GPR85: variants seen among roughly 807,000 people sequenced by gnomAD.
GPR85 encodes G protein-coupled receptor 85, also known as probable G protein-coupled receptor 85.
A neutral mutation model predicts 21.3 loss-of-function variants in GPR85; 7 were observed. The observed-to-expected ratio is 0.33, with a 90% CI of 0.19 to 0.62. The LOEUF (loss-of-function observed/expected upper bound fraction) is 0.62. GPR85 is among the 20% of genes least tolerant of loss of function. GPR85 has a pLI of 0.80. For synonymous variants in GPR85, 167 were observed against 166.1 expected (o/e 1.01, Z -0.04); for missense variants, 299 against 443.8 (o/e 0.67, Z 2.93).
Position 113,086,384 on chromosome 7 carries a change from T to TTTTC in GPR85, c.-352_-351insGAAA, listed in dbSNP as rs1794280072. The TTTTC allele has an allele frequency of 1.4e-5, 2 of 143,650 alleles. No individual in the cohort carries two copies. The highest frequency in any genetic ancestry group is 3.0e-5 in the Non-Finnish European group (2 of 65,906). 8.9% of individuals were successfully genotyped at this position (143,650 alleles called of 1,614,324 possible). ...TTCTATAAATTGCTGATTTTTTTCT[T>TTTTC]TTTTTCTTTTTCTTTTTTTTTTTTT... is the stretch of plus-strand genomic sequence containing the variant. On this transcript the variant is annotated 5_prime_UTR_variant, in exon 1 of 3. It introduces an in-frame stop codon into an upstream open reading frame of the 5' UTR. Coordinates refer to ENST00000424100, the MANE Select transcript of GPR85 (RefSeq NM_001146267.2).
rs958791679 is a variant in GPR85 at position 113,083,967 on chromosome 7, G to A, written c.755C>T (p.Thr252Ile). 1 of 1,614,102 alleles carries A rather than the reference G, an allele frequency of 6.2e-7. No homozygotes were observed. The highest frequency in any genetic ancestry group is 2.2e-5 in the East Asian group (1 of 44,894). Residue 252 changes from threonine to isoleucine, a missense_variant, in exon 3 of 3, where the codon ACA (threonine) becomes ATA (isoleucine). By Grantham distance (89) the Thr-to-Ile change is moderately conservative (BLOSUM62 -1). This residue lies in a region of GPR85 where 198 missense variants were observed against 335.4 expected (regional missense o/e 0.59). Transcript: ENST00000424100. This position sits in a 1 kb window ranked among gnomAD's most constrained non-coding sequence, Gnocchi z 4.4. Reference sequence around the variant, plus strand: ...CCTGATGCCCAGCAAGGTGGGTGGTGTGGGACCCCTTCCAAATCCTGCTAG... The same window carrying A: ...CCTGATGCCCAGCAAGGTGGGTGGTATGGGACCCCTTCCAAATCCTGCTAG... ...NWLAGFGRGP[T>I]PPTLLGIRQN...
chr7:113,083,821 A>T lies in GPR85; in HGVS notation c.901T>A (p.Tyr301Asn), dbSNP rs758362653. The T allele has an allele frequency of 6.2e-7, 1 of 1,611,728 alleles. No individual in the cohort carries two copies. The highest frequency in any genetic ancestry group is 8.5e-7 in the Non-Finnish European group (1 of 1,177,788). ...TFLFLTLWGP[Y>N]LVACYWRVFA... is the part of the protein sequence containing the mutation. ...ACTCTCCAATAACAGGCCACCAGGT[A>T]GGGGCCCCACAAGGTTAGAAACAGA... Residue 301 changes from tyrosine to asparagine, a missense_variant, in exon 3 of 3, where the codon TAC becomes AAC. Transcript: ENST00000424100. The surrounding 1 kb of genome is among the most constrained non-coding windows in gnomAD (Gnocchi z 4.4).
Position 113,083,411 on chromosome 7 carries a change from T to A in GPR85, c.*198A>T, listed in dbSNP as rs1562994868. The stretch of plus-strand genomic sequence containing the variant: ...TCAGTCCCTTCTTAATTACAAACCT[T>A]TGCTGGCAGTCAGCAGGATCACTCT... On this transcript the variant is annotated 3_prime_UTR_variant, in exon 3 of 3. Coordinates refer to ENST00000424100, the MANE Select transcript of GPR85 (RefSeq NM_001146267.2). This position sits in a 1 kb window ranked among gnomAD's most constrained non-coding sequence, Gnocchi z 4.4. The A allele has an allele frequency of 3.5e-6, 2 of 566,670 alleles. No individual in the cohort carries two copies. Among genetic ancestry groups the A allele is most frequent in the East Asian group, 5.9e-5 (2 of 34,080 alleles). The allele number at this position is 566,670 out of a possible 1,614,324, so 35.1% of individuals were successfully genotyped here. A position where few individuals can be genotyped will look rare whatever the true frequency, so the allele number is the denominator to read the frequency against.
At chr7:113,087,271 AT>A (rs1794334550), upstream of GPR85, among the ~76,000 whole-genome samples, 1 of 152,232 alleles carries the variant, frequency 6.6e-6, no homozygotes, top group African/African-American at 2.4e-5. Context: ...TTAAATGGCT[AT>A]TCCTGGCATT....
At chr7:113,087,662 T>C (rs546805782), upstream of GPR85, 32 of 154,260 alleles carry the variant, frequency 2.1e-4, no homozygotes, top group Non-Finnish European at 2.9e-4. Flanking sequence ...CTTCTTTTTC[T>C]GCATGCTTTT....
In GPR85 at chr7:113,084,522, A is replaced by T; in HGVS notation, c.200T>A (p.Ile67Asn). 6.2e-7 allele frequency: 1 copy of T among 1,612,818 alleles called. No individual in the cohort carries two copies. Among genetic ancestry groups the T allele is most frequent in the Non-Finnish European group, 8.5e-7 (1 of 1,178,782 alleles). ...YFLLDLCCSD[I>N]LRSAICFPFV... ...TGGGAAACAAATTGCAGATCTGAGG[A>T]TATCTGAACAGCAAAGATCCAACAG... Residue 67 changes from isoleucine (I) to asparagine (N), a missense_variant, in exon 3 of 3, where the codon ATC becomes AAC. Ile to Asn is a moderately radical substitution (Grantham distance 149, BLOSUM62 -3). Transcript: ENST00000424100.
Position 113,086,759 on chromosome 7 carries a change from G to C in GPR85, c.-726C>G, listed in dbSNP as rs1172410456. The stretch of plus-strand genomic sequence containing the variant: ...ACTTTTCCCTCCCCGCATTTGTAGT[G>C]GGGGGCTGGAAAGGCCCTTTCAGGA... On this transcript the variant is annotated 5_prime_UTR_variant, in exon 1 of 3. Coordinates refer to ENST00000424100, the MANE Select transcript of GPR85 (RefSeq NM_001146267.2). Among the ~76,000 whole-genome samples the C allele has an allele frequency of 1.3e-5, 2 of 151,948 alleles. No individual in the cohort carries two copies. The highest frequency in any genetic ancestry group is 2.4e-5 in the African/African-American group (1 of 41,360).
rs1428352980 is a variant in GPR85 at position 113,083,807 on chromosome 7, A to G, written c.915T>C (p.Cys305=). ...GCCCTCTTGCAAAAACTCTCCAATA[A>G]CAGGCCACCAGGTAGGGGCCCCACA... is the stretch of plus-strand genomic sequence containing the variant. ...LTLWGPYLVA[C]YWRVFARGPV... Residue 305 remains cysteine (C), a synonymous_variant, in exon 3 of 3, where the codon TGT becomes TGC. Coordinates refer to ENST00000424100, the MANE Select transcript of GPR85 (RefSeq NM_001146267.2). This position sits in a 1 kb window ranked among gnomAD's most constrained non-coding sequence, Gnocchi z 4.4. 2 of 1,614,124 alleles carry G rather than the reference A, an allele frequency of 1.2e-6. No homozygotes were observed. The highest frequency in any genetic ancestry group is 1.7e-6 in the Non-Finnish European group (2 of 1,179,950).
Position 113,082,686 on chromosome 7 carries a change from C to T in GPR85, c.*923G>A, listed in dbSNP as rs746980434. 5.2e-5 allele frequency: 8 copies of T among 152,534 alleles called. No homozygotes were observed. Among genetic ancestry groups the T allele is most frequent in the Non-Finnish European group, 1.0e-4 (7 of 67,990 alleles). 9.4% of individuals were successfully genotyped at this position (152,534 alleles called of 1,614,324 possible). ...AAAGGAAAAAGTAATAAATGATCTT[C>T]CATGCACTTTTAGATGCATGACCAT... On this transcript the variant is annotated 3_prime_UTR_variant, in exon 3 of 3. Transcript: ENST00000424100.
Position 113,084,759 on chromosome 7 carries a change from C to G in GPR85, c.-38G>C. The stretch of plus-strand genomic sequence containing the variant: ...GATAAGGATACAGCCTCAGTCAAGT[C>G]TCATGATCTAGATATAAGAACAAGG... On this transcript the variant is annotated 5_prime_UTR_variant, in exon 3 of 3. Coordinates refer to ENST00000424100, the MANE Select transcript of GPR85 (RefSeq NM_001146267.2). 1.3e-6 allele frequency: 2 copies of G among 1,486,796 alleles called. No homozygotes were observed. Among genetic ancestry groups the G allele is most frequent in the Non-Finnish European group, 1.8e-6 (2 of 1,083,224 alleles). 92.1% of individuals were successfully genotyped at this position (1,486,796 alleles called of 1,614,324 possible).
chr7:113,084,888 A>T lies in GPR85; in HGVS notation c.-167T>A. 1 of 422,256 alleles carries T rather than the reference A, an allele frequency of 2.4e-6. No homozygotes were observed. The allele number at this position is 422,256 out of a possible 1,614,324, so 26.2% of individuals were successfully genotyped here. On this transcript the variant is annotated 5_prime_UTR_variant, in exon 3 of 3. Coordinates refer to ENST00000424100, the MANE Select transcript of GPR85 (RefSeq NM_001146267.2). ...TTCTTCCACTTGTTTTGCCATCAGA[A>T]TATCTGAAAAAAAAAAAAAAAAAAA...
rs1166571397 is a variant in GPR85 at position 113,084,458 on chromosome 7, A to T, written c.264T>A (p.Thr88=). Residue 88 remains threonine, a synonymous_variant, in exon 3 of 3, where the codon ACT becomes ACA. Coordinates refer to ENST00000424100, the MANE Select transcript of GPR85 (RefSeq NM_001146267.2). ...FNSVKNGSTW[T]YGTLTCKVIA... ...TCACTTTGCAAGTCAGAGTCCCATA[A>T]GTCCAGGTAGAACCATTTTTGACAG... The T allele has an allele frequency of 6.2e-7, 1 of 1,614,022 alleles. No individual in the cohort carries two copies. The highest frequency in any genetic ancestry group is 1.3e-5 in the African/African-American group (1 of 74,916).
At position 113,086,641 on chromosome 7, in the gene GPR85, C is replaced by G. The variant is rs2115786938; in HGVS notation, c.-608G>C. ...AGCCTCTGTGGAACCAGCAGGAACC[C>G]CTACCTGACTCCAGAGCTGGCTGGG... On this transcript the variant is annotated 5_prime_UTR_variant, in exon 1 of 3. Transcript: ENST00000424100. 6.6e-6 allele frequency among the ~76,000 whole-genome samples: 1 copy of G among 151,570 alleles called. No homozygotes were observed. Among genetic ancestry groups the G allele is most frequent in the East Asian group, 2.0e-4 (1 of 5,102 alleles).
upstream of GPR85, chr7:113,087,520 C>A (rs1424998515): frequency 1.3e-5 from 2 of 154,362 alleles, no homozygotes; most frequent in African/African-American, 4.8e-5. Flanking sequence ...TAGAATCATG[C>A]ATTTTCTTAT....
In GPR85 at chr7:113,083,681, C is replaced by A. The variant is rs532904329; in HGVS notation, c.1041G>T (p.Arg347Ser). ...AAAGAAGGGTTGTGCTGAAACAGCG[C>A]CTCAGCTCCCTGTTTGAGAAAATGC... ...FVCIFSNREL[R>S]RCFSTTLLYC... The change falls in exon 3 of 3, where the codon AGG becomes AGT. Residue 347 changes from arginine (R) to serine (S), a missense_variant. Arg to Ser is a moderately radical substitution (Grantham distance 110). This residue lies in a region of GPR85 where 198 missense variants were observed against 335.4 expected (regional missense o/e 0.59). Coordinates refer to ENST00000424100, the MANE Select transcript of GPR85 (RefSeq NM_001146267.2). This position sits in a 1 kb window ranked among gnomAD's most constrained non-coding sequence, Gnocchi z 4.4. 6.2e-7 allele frequency: 1 copy of A among 1,614,038 alleles called. No individual in the cohort carries two copies. The highest frequency in any genetic ancestry group is 1.3e-5 in the African/African-American group (1 of 75,052).
At position 113,083,727 on chromosome 7, in the gene GPR85, G is replaced by T; in HGVS notation, c.995C>A (p.Ala332Glu). ...TAAVWMSFAQ[A>E]GINPFVCIFS... ...AATGCAGACAAAAGGATTGATTCCT[G>T]CTTGGGCAAAACTCATCCAGACAGC... Residue 332 changes from alanine (A) to glutamate (E), a missense_variant, in exon 3 of 3, where the codon GCA (alanine) becomes GAA (glutamate). Physicochemically the swap from Ala to Glu is moderately radical, Grantham distance 107. This residue lies in a region of GPR85 where 198 missense variants were observed against 335.4 expected (regional missense o/e 0.59). Coordinates refer to ENST00000424100, the MANE Select transcript of GPR85 (RefSeq NM_001146267.2). The surrounding 1 kb of genome is among the most constrained non-coding windows in gnomAD (Gnocchi z 4.4). The T allele has an allele frequency of 1.2e-6, 2 of 1,614,230 alleles. No individual in the cohort carries two copies. Among genetic ancestry groups the T allele is most frequent in the Non-Finnish European group, 1.7e-6 (2 of 1,180,032 alleles).
rs762668785 is a variant in GPR85 at position 113,084,225 on chromosome 7, A to C, written c.497T>G (p.Ile166Ser). The C allele has an allele frequency of 6.2e-7, 1 of 1,614,154 alleles. No homozygotes were observed. Among genetic ancestry groups the C allele is most frequent in the Non-Finnish European group, 8.5e-7 (1 of 1,180,028 alleles). Residue 166 changes from isoleucine (I) to serine (S), a missense_variant, in exon 3 of 3, where the codon ATT (isoleucine) becomes AGT (serine). Transcript: ENST00000424100. The part of the protein sequence containing the change: ...PVLDVGTYSF[I>S]REEDQCTFQH... ...GAAGGTGCATTGATCTTCCTCCCTAATGAATGAGTAAGTGCCCACGTCTAA... is the reference window on the plus strand; with the variant it reads ...GAAGGTGCATTGATCTTCCTCCCTACTGAATGAGTAAGTGCCCACGTCTAA...
Position 113,084,238 on chromosome 7 carries a change from T to C in GPR85, c.484A>G (p.Thr162Ala). 6.2e-7 allele frequency: 1 copy of C among 1,614,106 alleles called. No homozygotes were observed. The highest frequency in any genetic ancestry group is 1.1e-5 in the South Asian group (1 of 91,082). Residue 162 changes from threonine to alanine, a missense_variant, in exon 3 of 3, where the codon ACT (threonine) becomes GCT (alanine). Around this residue, in one of 2 missense-constraint regions of GPR85, gnomAD observed 198 missense variants for 335.4 expected, o/e 0.59. Coordinates refer to ENST00000424100, the MANE Select transcript of GPR85 (RefSeq NM_001146267.2). ...TCTTCCTCCCTAATGAATGAGTAAGTGCCCACGTCTAAAACCGGGGGAAAT... is the reference window on the plus strand; with the variant it reads ...TCTTCCTCCCTAATGAATGAGTAAGCGCCCACGTCTAAAACCGGGGGAAAT... ...MAFPPVLDVG[T>A]YSFIREEDQC...
intron 2 of GPR85, among the ~76,000 whole-genome samples, chr7:113,085,617 A>G (rs1794252832): frequency 1.3e-5 from 2 of 152,230 alleles, no homozygotes; most frequent in Non-Finnish European, 2.9e-5. Context: ...AAATGAATAT[A>G]ACATGAACCT....
Sources: allele counts gnomAD v4.1 joint callset (sites outside exome capture counted in the v4.1 genomes callset), GRCh38; gene constraint gnomAD v4.1.1; regional missense constraint gnomAD v4.1.1; non-coding constraint Gnocchi (gnomAD v3.1); transcripts MANE v1.5; gene names NCBI Gene and HGNC (gene_info 2026-07-23, HGNC 2026-07-21).